RCOR3: variants seen among roughly 807,000 people sequenced by gnomAD.
The protein encoded by RCOR3 is REST corepressor 3.
Under a neutral mutation model 64.1 loss-of-function variants are expected in RCOR3, and 13 were observed. The ratio of observed to expected loss-of-function variants is 0.20; its 90% CI spans 0.13 to 0.32. The LOEUF (loss-of-function observed/expected upper bound fraction) is 0.32, where lower values mean the gene tolerates loss of function less well. RCOR3 is among the 10% of genes least tolerant of loss of function. The pLI is 1.00. For missense variants in RCOR3, 489 were observed against 701.2 expected (o/e 0.70, Z 3.42); for synonymous variants, 215 against 239.0 (o/e 0.90, Z 0.93).
intron 7 of RCOR3, among the ~76,000 whole-genome samples, chr1:211,280,593 C>G (rs1177628040): frequency 1.3e-5 from 2 of 152,170 alleles, no homozygotes; most frequent in Non-Finnish European, 2.9e-5. Context: ...CTATCCATCC[C>G]TTCGTATCTA....
chr1:211,283,158 G>T (rs1421508693), intron 7 of RCOR3, among the ~76,000 whole-genome samples: 2 of 152,178 alleles, frequency 1.3e-5, no homozygotes, highest in Non-Finnish European at 2.9e-5. Context: ...AGTTCCTTTG[G>T]TACAATAGTT....
rs1170488092 is a variant in RCOR3, at chr1:211,271,464, G to C, written c.301+155G>C. ...TTTTTTTATTTTTTTTTTAATGGAG[G>C]TTGTTATATTAGAATGTTTTTCCTT... On this transcript the variant is annotated intron_variant, in intron 3 of 11. Coordinates refer to ENST00000419091, the MANE Select transcript of RCOR3 (RefSeq NM_001136223.3). 4 of 665,332 alleles carry C rather than the reference G, an allele frequency of 6.0e-6. No homozygotes were observed. The Admixed American group carries it at 9.7e-5, about 16-fold the overall frequency. The allele number at this position is 665,332 out of a possible 1,614,324, so 41.2% of individuals were successfully genotyped here.
chr1:211,314,001 C>T lies in RCOR3; in HGVS notation c.*233C>T. 1 of 480,556 alleles carries T rather than the reference C, an allele frequency of 2.1e-6. No homozygotes were observed. Among genetic ancestry groups the T allele is most frequent in the Non-Finnish European group, 3.7e-6 (1 of 271,644 alleles). The allele number at this position is 480,556 out of a possible 1,614,324, so 29.8% of individuals were successfully genotyped here. On this transcript the variant is annotated 3_prime_UTR_variant, in exon 12 of 12. Transcript: ENST00000419091. ...CCTCCTTTCTAGAGTATATGTTCAG[C>T]AATGTTGATCTCATAAAAGGAAAAA...
At chr1:211,308,677 T>TTTG (rs1553264245) in intron 10 of RCOR3, among the ~76,000 whole-genome samples, 50 of 38,026 alleles carry the variant, frequency 1.3e-3, no homozygotes, top group African/African-American at 3.5e-3. Flanking sequence ...TTTTTTGTTT[T>TTTG]TTTTTTGTTT....
At chr1:211,300,114 A>C (rs1571974699) in intron 9 of RCOR3, among the ~76,000 whole-genome samples, 2 of 118,292 alleles carry the variant, frequency 1.7e-5, no homozygotes, top group African/African-American at 3.1e-5. Context: ...CCCATCACCC[A>C]TGCTGGAGTG....
intron 9 of RCOR3, chr1:211,302,301 T>C (rs1700459117): frequency 6.6e-6 from 1 of 152,188 alleles, no homozygotes; most frequent in Non-Finnish European, 1.5e-5. Context: ...CTTCATGAAG[T>C]CTGTTAAACT....
intron 10 of RCOR3, among the ~76,000 whole-genome samples, chr1:211,304,746 G>A (rs1289017425): frequency 3.9e-5 from 6 of 152,106 alleles, no homozygotes; most frequent in Non-Finnish European, 1.5e-5. Context: ...TGAATTATAT[G>A]GTAGAAGACT....
intron 7 of RCOR3, among the ~76,000 whole-genome samples, chr1:211,282,794 C>T (rs1238363887): frequency 3.9e-5 from 6 of 152,114 alleles, no homozygotes. Context: ...CCACCGTGCC[C>T]GGCCTCAATT....
chr1:211,261,660 G>A (rs1694294185), intron 2 of RCOR3, among the ~76,000 whole-genome samples: 2 of 152,018 alleles, frequency 1.3e-5, no homozygotes, highest in African/African-American at 2.4e-5. Context: ...GGTGGCTCAC[G>A]CCTGTAATCC....
At chr1:211,291,356 G>A (rs1176746697) in intron 8 of RCOR3, among the ~76,000 whole-genome samples, 1 of 152,122 alleles carries the variant, frequency 6.6e-6, no homozygotes, top group Non-Finnish European at 1.5e-5. Context: ...CAAAGGAAAT[G>A]GTCATTGGAG....
intron 7 of RCOR3, among the ~76,000 whole-genome samples, chr1:211,281,016 C>G (rs897216909): frequency 4.0e-5 from 6 of 148,832 alleles, no homozygotes; most frequent in African/African-American, 1.5e-4. Flanking sequence ...TATGTCTTAA[C>G]CACTCTAGAA....
intron 9 of RCOR3, among the ~76,000 whole-genome samples, chr1:211,299,315 T>C (rs1700149376): frequency 1.3e-5 from 2 of 152,158 alleles, no homozygotes; most frequent in South Asian, 4.1e-4. Flanking sequence ...TGAAAGTATG[T>C]GAGAGTGTTG....
intron 7 of RCOR3, among the ~76,000 whole-genome samples, chr1:211,280,729 A>G (rs534725800): frequency 6.6e-5 from 10 of 152,194 alleles, no homozygotes; most frequent in Non-Finnish European, 1.5e-4. Flanking sequence ...CACGCCTGTA[A>G]TCCTGGCACT....
chr1:211,303,155 GT>G (rs1354251670), intron 9 of RCOR3: 1 of 151,952 alleles, frequency 6.6e-6, no homozygotes, highest in Non-Finnish European at 1.5e-5. Context: ...TTCGTTTTAG[GT>G]TTTTCTCTCC....
intron 8 of RCOR3, 58 bp from the exon 9 acceptor site, chr1:211,295,618 A>G (rs963721045): frequency 9.6e-6 from 13 of 1,347,286 alleles, no homozygotes; most frequent in Non-Finnish European, 1.4e-5. Context: ...TTAATTGAGT[A>G]CTCACAAATT....
At chr1:211,268,591 G>A (rs1695631605) in intron 2 of RCOR3, among the ~76,000 whole-genome samples, 1 of 151,776 alleles carries the variant, frequency 6.6e-6, no homozygotes, top group African/African-American at 2.4e-5. Context: ...TGGTCATGCT[G>A]GTCTCGAACT....
intron 9 of RCOR3, chr1:211,302,395 A>G (rs1700467289): frequency 6.6e-6 from 1 of 152,228 alleles, no homozygotes; most frequent in African/African-American, 2.4e-5. Flanking sequence ...GTGATCACTC[A>G]CAGGCAAGCA....
At chr1:211,273,543 T>C (rs768620260) in intron 3 of RCOR3, among the ~76,000 whole-genome samples, 3 of 152,238 alleles carry the variant, frequency 2.0e-5, no homozygotes, top group African/African-American at 2.4e-5. Flanking sequence ...TTCTGGTGAA[T>C]GTGTCAGACT....
chr1:211,276,814 G>A lies in RCOR3; in HGVS notation c.516+396G>A, dbSNP rs188178296. On this transcript the variant is annotated intron_variant, in intron 5 of 11. Transcript: ENST00000419091. ...TAAAAAATCCCATATTAGGCCGGGC[G>A]CGGTGGCTCACGCCTGTAATCCAGC... 3.5e-3 allele frequency among the ~76,000 whole-genome samples: 536 copies of A among 152,166 alleles called. 2 individuals carry two copies. The Middle Eastern group carries it at 0.048, about 14-fold the overall frequency.
Sources: gnomAD v4.1 joint callset for allele counts (sites outside exome capture counted in the v4.1 genomes callset) on GRCh38, gnomAD v4.1.1 for gene constraint, MANE v1.5 for transcripts, NCBI Gene and HGNC (gene_info 2026-07-23, HGNC 2026-07-21) for gene names.